Variants in RHBDD1 observed in about 807,000 individuals in gnomAD.
RHBDD1 encodes rhomboid domain containing 1, also known as rhomboid-related protein 4.
Under a neutral mutation model 36.3 loss-of-function variants are expected in RHBDD1, and 38 were observed. The ratio of observed to expected loss-of-function variants is 1.05; its 90% CI spans 0.81 to 1.37. The LOEUF (loss-of-function observed/expected upper bound fraction) is 1.37. Among genes scored for constraint, RHBDD1 ranks in the 40% most tolerant of loss-of-function variants. The pLI is 0.00. For synonymous variants in RHBDD1, 151 were observed against 136.5 expected (o/e 1.11, Z -0.74); for missense variants, 393 against 377.6 (o/e 1.04, Z -0.34).
intron 8 of RHBDD1, among the ~76,000 whole-genome samples, chr2:226,925,547 T>G (rs1349410405): frequency 1.3e-5 from 2 of 152,142 alleles, no homozygotes; most frequent in Non-Finnish European, 2.9e-5. Context: ...ATATTTTTCC[T>G]TAGGAAAAAA....
chr2:226,857,486 T>A (rs1943450067), intron 3 of RHBDD1, among the ~76,000 whole-genome samples: 1 of 152,158 alleles, frequency 6.6e-6, no homozygotes, highest in South Asian at 2.1e-4. Context: ...TACATGAATG[T>A]TTATAGCAGC....
intron 3 of RHBDD1, among the ~76,000 whole-genome samples, chr2:226,843,080 G>A (rs1336919745): frequency 6.6e-6 from 1 of 152,042 alleles, no homozygotes; most frequent in Admixed American, 6.6e-5. Flanking sequence ...GCTTGCCGGT[G>A]TTGGTGTATA....
chr2:226,876,465 A>G (rs1489054317), intron 5 of RHBDD1, among the ~76,000 whole-genome samples: 11 of 152,208 alleles, frequency 7.2e-5, no homozygotes, highest in African/African-American at 2.7e-4. Context: ...CTTTACGTAT[A>G]TTATCACATA....
chr2:226,860,009 TAAAAA>T (rs55874400), intron 3 of RHBDD1, among the ~76,000 whole-genome samples: 1 of 151,510 alleles, frequency 6.6e-6, no homozygotes, highest in Non-Finnish European at 1.5e-5. Flanking sequence ...AGTAGATTGA[TAAAAA>T]AAAACTGTTT....
At chr2:226,963,214 T>C (rs1158365837) in intron 8 of RHBDD1, among the ~76,000 whole-genome samples, 1 of 152,134 alleles carries the variant, frequency 6.6e-6, no homozygotes, top group Non-Finnish European at 1.5e-5. Context: ...AACTTCTATA[T>C]AGAACACTTA....
chr2:226,950,768 A>G (rs1446737759), intron 8 of RHBDD1, among the ~76,000 whole-genome samples: 2 of 152,178 alleles, frequency 1.3e-5, no homozygotes, highest in African/African-American at 2.4e-5. Flanking sequence ...TTGGCCATTC[A>G]TATGTCATCC....
At chr2:226,854,739 T>TA (rs752577601) in intron 3 of RHBDD1, among the ~76,000 whole-genome samples, 2 of 152,128 alleles carry the variant, frequency 1.3e-5, no homozygotes, top group Non-Finnish European at 2.9e-5. Flanking sequence ...TAAATCTACT[T>TA]AAAGATATTT....
chr2:226,820,000 GA>G, the RHBDD1 span, among the ~76,000 whole-genome samples: 1 of 95,752 alleles, frequency 1.0e-5, no homozygotes, highest in East Asian at 3.2e-4. Context: ...TTTTTTTTCT[GA>G]AAAAAATTCA....
chr2:226,821,631 G>C, the RHBDD1 span, among the ~76,000 whole-genome samples: 7 of 152,036 alleles, frequency 4.6e-5, no homozygotes, highest in South Asian at 1.4e-3. Flanking sequence ...ATTGTGAGTT[G>C]TATTTAGCTT....
At chr2:226,821,747 A>C in the RHBDD1 span, among the ~76,000 whole-genome samples, 1 of 152,056 alleles carries the variant, frequency 6.6e-6, no homozygotes, top group South Asian at 2.1e-4. Context: ...ATCTATATGA[A>C]TTTTTTAAAT....
chr2:226,859,248 C>T (rs1015354654), intron 3 of RHBDD1, among the ~76,000 whole-genome samples: 22 of 152,170 alleles, frequency 1.4e-4, no homozygotes, highest in Admixed American at 7.2e-4. Flanking sequence ...AAATTTTTGG[C>T]GGGAGTGGGG....
chr2:226,870,614 A>G (rs1221231260), intron 5 of RHBDD1, among the ~76,000 whole-genome samples: 1 of 152,184 alleles, frequency 6.6e-6, no homozygotes, highest in Non-Finnish European at 1.5e-5. Context: ...TTGAAAATTC[A>G]TATATAATTT....
chr2:226,917,993 C>G (rs1949031626), intron 8 of RHBDD1, among the ~76,000 whole-genome samples: 1 of 151,822 alleles, frequency 6.6e-6, no homozygotes, highest in African/African-American at 2.4e-5. Flanking sequence ...AAAACTTTGA[C>G]AAAGAATTAA....
At chr2:226,850,311 T>C (rs780100560) in intron 3 of RHBDD1, among the ~76,000 whole-genome samples, 2 of 152,182 alleles carry the variant, frequency 1.3e-5, no homozygotes, top group Non-Finnish European at 2.9e-5. Flanking sequence ...AAACCAGTCG[T>C]AGGAGAGTAA....
At chr2:226,888,372 G>T (rs1279381714) in intron 5 of RHBDD1, among the ~76,000 whole-genome samples, 1 of 151,528 alleles carries the variant, frequency 6.6e-6, no homozygotes, top group Admixed American at 6.6e-5. Context: ...TTAAAAAATT[G>T]TGTATTAAAT....
At chr2:226,803,998 G>A in the RHBDD1 span, 3 of 152,190 alleles carry the variant, frequency 2.0e-5, no homozygotes, top group South Asian at 6.2e-4. Context: ...TCTAATGACT[G>A]ATGATTAATT....
intron 8 of RHBDD1, among the ~76,000 whole-genome samples, chr2:226,955,859 A>AATCTCCAAAT (rs2149243425): frequency 6.6e-6 from 1 of 152,268 alleles, no homozygotes; most frequent in South Asian, 2.1e-4. Context: ...TTTAGGGCCG[A>AATCTCCAAAT]ATCTCCAAAT....
intron 5 of RHBDD1, among the ~76,000 whole-genome samples, chr2:226,894,892 G>A (rs1253775004): frequency 1.3e-5 from 2 of 152,152 alleles, no homozygotes; most frequent in Non-Finnish European, 2.9e-5. Context: ...AAGTCCTGAG[G>A]GAGTGTGGTC....
chr2:226,866,287 G>T (rs1944331556), intron 4 of RHBDD1, among the ~76,000 whole-genome samples: 1 of 152,120 alleles, frequency 6.6e-6, no homozygotes, highest in South Asian at 2.1e-4. Flanking sequence ...GGCCAGGATG[G>T]TCTCTATCTC....
Sources: allele counts gnomAD v4.1 joint callset (sites outside exome capture counted in the v4.1 genomes callset), GRCh38; gene constraint gnomAD v4.1.1; transcripts MANE v1.5; gene names NCBI Gene and HGNC (gene_info 2026-07-23, HGNC 2026-07-21).